IL23R: variants seen among roughly 807,000 people sequenced by gnomAD.
IL23R encodes interleukin 23 receptor, also known as interleukin-23 receptor.
Under a neutral mutation model 56.9 loss-of-function variants are expected in IL23R, and 34 were observed. That is an observed-to-expected ratio of 0.60 (90% confidence interval 0.45 to 0.80). The LOEUF (loss-of-function observed/expected upper bound fraction) is 0.80. Ranked by LOEUF, IL23R falls within the 30% of genes least tolerant of loss-of-function variation. IL23R has a pLI of 0.00. For synonymous variants in IL23R, 230 were observed against 249.2 expected, an observed-to-expected ratio of 0.92 and a Z score of 0.73; for missense variants, 635 against 730.0, an observed-to-expected ratio of 0.87 and a Z score of 1.50.
chr1:67,247,646 T>G (rs1195776010), intron 9 of IL23R, among the ~76,000 whole-genome samples: 1 of 152,214 alleles, frequency 6.6e-6, no homozygotes, highest in East Asian at 1.9e-4. Flanking sequence ...TCTGTGAGTT[T>G]GATCTTGTCA....
intron 3 of IL23R, among the ~76,000 whole-genome samples, chr1:67,171,014 A>T (rs189000864): frequency 1.1e-3 from 160 of 152,350 alleles, no homozygotes; most frequent in African/African-American, 3.5e-3. Context: ...AAGCTGCTAA[A>T]CTTGCCCTAA....
In IL23R at chr1:67,244,715, C is replaced by A. The variant is rs1344415563; in HGVS notation, c.1148+4434C>A. Among the ~76,000 whole-genome samples the A allele has an allele frequency of 3.9e-5, 6 of 152,058 alleles. No homozygotes were observed. The East Asian group carries it at 7.7e-4, about 20-fold the overall frequency. On this transcript the variant is annotated intron_variant, in intron 9 of 10. Coordinates refer to ENST00000347310, the MANE Select transcript of IL23R (RefSeq NM_144701.3). ...TATCCTGCTGTTTTTGTTACTGTAA[C>A]CTTGTAGTATAGTTTGAAGTCAGAT...
chr1:67,178,212 A>C (rs1478861348), intron 3 of IL23R, among the ~76,000 whole-genome samples: 1 of 151,886 alleles, frequency 6.6e-6, no homozygotes, highest in African/African-American at 2.4e-5. Flanking sequence ...CTTGGGCAGT[A>C]TGGCCATTTT....
intron 8 of IL23R, among the ~76,000 whole-genome samples, chr1:67,237,548 A>C (rs893244044): frequency 6.6e-6 from 1 of 152,220 alleles, no homozygotes; most frequent in Admixed American, 6.5e-5. Flanking sequence ...AGAGCTGCTA[A>C]GTGACAGACT....
At chr1:67,223,003 C>T (rs1015031302) in intron 7 of IL23R, among the ~76,000 whole-genome samples, 20 of 152,232 alleles carry the variant, frequency 1.3e-4, no homozygotes, top group Admixed American at 1.1e-3. Flanking sequence ...CCTGTAACCC[C>T]AGCACTTTAA....
intron 4 of IL23R, among the ~76,000 whole-genome samples, chr1:67,185,224 G>A (rs1160790893): frequency 6.6e-6 from 1 of 152,160 alleles, no homozygotes; most frequent in Non-Finnish European, 1.5e-5. Flanking sequence ...GGTAATGAAT[G>A]TATCCAGGAC....
intron 7 of IL23R, among the ~76,000 whole-genome samples, chr1:67,231,031 A>G (rs1053247628): frequency 2.6e-5 from 4 of 152,154 alleles, no homozygotes; most frequent in East Asian, 1.9e-4. Context: ...CGAATCTCCA[A>G]TGATTTAAAA....
rs139524510 is a variant in IL23R, at chr1:67,159,709, G to A, written c.-633-8383G>A. 2.6e-3 allele frequency among the ~76,000 whole-genome samples: 389 copies of A among 152,282 alleles called. 1 individual carries two copies. The highest frequency in any genetic ancestry group is 8.6e-3 in the African/African-American group (356 of 41,538). ...GGAGTTTGAGGCTGTAGCATGCTAT[G>A]ATAGTGTCTGTGATAGATGCTACAT... is the stretch of plus-strand genomic sequence containing the variant. On this transcript the variant is annotated intron_variant, in intron 1 of 10. Coordinates refer to the IL23R transcript ENST00000637002.
At chr1:67,251,321 AG>A (rs1380393639) in intron 9 of IL23R, among the ~76,000 whole-genome samples, 2 of 151,992 alleles carry the variant, frequency 1.3e-5, no homozygotes, top group African/African-American at 4.8e-5. Flanking sequence ...GTGTGGTGGC[AG>A]GCACCTGTAG....
rs754180628 is a variant in IL23R at position 67,219,743 on chromosome 1, A to G, written c.955+13A>G. 1.2e-6 allele frequency: 2 copies of G among 1,610,266 alleles called. No homozygotes were observed. The highest frequency in any genetic ancestry group is 2.2e-5 in the South Asian group (2 of 91,010). On this transcript the variant is annotated intron_variant, in intron 7 of 10. Transcript: ENST00000347310. ...ACACCTGAAACAGGTGAGTGTACTT[A>G]TATATTTTATTCTGTTGGGCTTTTC...
At position 67,228,363 on chromosome 1, in the gene IL23R, CTTTTTT is replaced by C. The variant is rs78083258; in HGVS notation, c.956-8340_956-8335del. On this transcript the variant is annotated intron_variant, in intron 7 of 10. Coordinates refer to ENST00000347310, the MANE Select transcript of IL23R (RefSeq NM_144701.3). ...CATACCCAGCTAATTTTTTTTCTTC[CTTTTTT>C]TTTTTTTTTGTAGAGACAGGGTTTC... Among the ~76,000 whole-genome samples, 7 of 105,792 alleles carry C rather than the reference CTTTTTT, an allele frequency of 6.6e-5. No homozygotes were observed. The East Asian group carries it at 2.3e-3, about 34-fold the overall frequency. The allele number at this position is 105,792 out of a possible 152,430, so 69.4% of individuals were successfully genotyped here. A position where few individuals can be genotyped will look rare whatever the true frequency, so the allele number is the denominator to read the frequency against.
At chr1:67,158,067 T>G (rs1646783992) in intron 1 of IL23R, among the ~76,000 whole-genome samples, 1 of 151,942 alleles carries the variant, frequency 6.6e-6, no homozygotes, top group African/African-American at 2.4e-5. Flanking sequence ...AATACAAAAA[T>G]TAGCTGGGCA....
intron 7 of IL23R, among the ~76,000 whole-genome samples, chr1:67,234,833 G>A (rs959037526): frequency 8.8e-5 from 13 of 147,892 alleles, no homozygotes; most frequent in African/African-American, 3.2e-4. Context: ...TCAGCCTCCC[G>A]AGTAGCTGGG....
chr1:67,205,795 A>G (rs1648960561), intron 5 of IL23R, among the ~76,000 whole-genome samples: 2 of 152,236 alleles, frequency 1.3e-5, no homozygotes. Context: ...TTAGCAATAG[A>G]TATAAATATT....
At chr1:67,158,026 G>T (rs531695343) in intron 1 of IL23R, among the ~76,000 whole-genome samples, 1 of 152,232 alleles carries the variant, frequency 6.6e-6, no homozygotes, top group African/African-American at 2.4e-5. Flanking sequence ...GACCAGCCTG[G>T]CCAACATGGT....
chr1:67,248,098 T>A (rs774809706), intron 9 of IL23R, among the ~76,000 whole-genome samples: 13 of 152,172 alleles, frequency 8.5e-5, no homozygotes, highest in Non-Finnish European at 1.9e-4. Flanking sequence ...GTCTTAGGGT[T>A]CCTGTTCTCC....
At chr1:67,148,629 T>G (rs1330469443) in intron 1 of IL23R, among the ~76,000 whole-genome samples, 1 of 152,236 alleles carries the variant, frequency 6.6e-6, no homozygotes, top group East Asian at 1.9e-4. Context: ...TGTCTCTCAC[T>G]ATCTTCTGAG....
chr1:67,191,266 C>T (rs1291441531), intron 4 of IL23R, among the ~76,000 whole-genome samples: 1 of 152,216 alleles, frequency 6.6e-6, no homozygotes, highest in Non-Finnish European at 1.5e-5. Context: ...GACCTGCTTC[C>T]TACTTTCCTG....
At chr1:67,258,113 A>C (rs1653051278) in intron 10 of IL23R, among the ~76,000 whole-genome samples, 1 of 152,206 alleles carries the variant, frequency 6.6e-6, no homozygotes, top group South Asian at 2.1e-4. Context: ...AGAAATATTA[A>C]TATTAATATT....
Sources: gnomAD v4.1 joint callset for allele counts (sites outside exome capture counted in the v4.1 genomes callset) on GRCh38, gnomAD v4.1.1 for gene constraint, MANE v1.5 for transcripts, NCBI Gene and HGNC (gene_info 2026-07-23, HGNC 2026-07-21) for gene names.